Variants in ZPBP observed in about 807,000 individuals in gnomAD.
The protein encoded by ZPBP is zona pellucida binding protein.
ZPBP carries 26 observed loss-of-function variants against 44.8 expected under a neutral mutation model. That is an observed-to-expected ratio of 0.58 (90% CI 0.43 to 0.81). The LOEUF is 0.81. ZPBP is among the 30% of genes least tolerant of loss of function. The probability of loss-of-function intolerance (pLI) is 0.00; values close to 1 mark genes in which losing one functional copy is unlikely to be tolerated. For missense variants in ZPBP, 409 were observed against 434.0 expected, an observed-to-expected ratio of 0.94 and a Z score of 0.51; for synonymous variants, 174 against 153.2, an observed-to-expected ratio of 1.14 and a Z score of -1.00.
At chr7:49,872,763 A>AAC (rs1292127676) in intron 2 of ZPBP, among the ~76,000 whole-genome samples, 9 of 150,186 alleles carry the variant, frequency 6.0e-5, no homozygotes, top group Non-Finnish European at 1.3e-4. Flanking sequence ...AAAAAAAAAA[A>AAC]AAATTAGTCC....
chr7:49,944,043 G>A (rs146823286), intron 7 of ZPBP: 2 of 254,240 alleles, frequency 7.9e-6, no homozygotes, highest in Non-Finnish European at 1.6e-5. Flanking sequence ...TATCAGGAAC[G>A]TGCACCTTTG....
intron 3 of ZPBP, among the ~76,000 whole-genome samples, chr7:50,063,835 C>A (rs912682657): frequency 3.3e-5 from 5 of 152,114 alleles, no homozygotes; most frequent in Non-Finnish European, 5.9e-5. Context: ...GCTTGTATTG[C>A]CAATAAATCT....
At chr7:50,092,838 G>C (rs1803060478) in intron 1 of ZPBP, 2 of 530,188 alleles carry the variant, frequency 3.8e-6, no homozygotes, top group Non-Finnish European at 6.2e-6. Context: ...CTTCAACTGT[G>C]GGTGACGTAG....
In ZPBP at chr7:50,068,193, A is replaced by G. The variant is rs115148446; in HGVS notation, c.335-10052T>C. ...AAGACATTTGGCATCTAAATGTGGCAGAACCTTGCTGCCCTTAGGGACTCT... is the reference window on the plus strand; with the variant it reads ...AAGACATTTGGCATCTAAATGTGGCGGAACCTTGCTGCCCTTAGGGACTCT... On this transcript the variant is annotated intron_variant, in intron 3 of 7. Transcript: ENST00000046087. 1.7e-3 allele frequency among the ~76,000 whole-genome samples: 265 copies of G among 152,278 alleles called. 1 individual carries two copies. Among genetic ancestry groups the G allele is most frequent in the African/African-American group, 6.1e-3 (253 of 41,554 alleles).
intron 7 of ZPBP, among the ~76,000 whole-genome samples, chr7:49,972,071 G>C (rs1265540085): frequency 1.3e-5 from 2 of 151,814 alleles, no homozygotes; most frequent in Non-Finnish European, 2.9e-5. Flanking sequence ...ATTCAACAAA[G>C]TATGAATAGA....
intron 2 of ZPBP, among the ~76,000 whole-genome samples, chr7:49,871,716 C>G (rs1791153206): frequency 6.6e-6 from 1 of 151,304 alleles, no homozygotes; most frequent in South Asian, 2.1e-4. Context: ...GGATTTAGAT[C>G]AGGTAAGGAA....
At chr7:49,871,020 C>G (rs1047417496) in intron 2 of ZPBP, among the ~76,000 whole-genome samples, 2 of 152,186 alleles carry the variant, frequency 1.3e-5, no homozygotes, top group Middle Eastern at 6.8e-3. Context: ...AATGCAAAAC[C>G]ATGAAAAGTA....
At chr7:49,926,779 G>A (rs995925633) in intron 1 of ZPBP, among the ~76,000 whole-genome samples, 3 of 152,110 alleles carry the variant, frequency 2.0e-5, no homozygotes, top group African/African-American at 7.2e-5. Flanking sequence ...AGAGAGGAGG[G>A]GCTGGGAGAT....
chr7:49,868,300 G>A (rs1242609477), intron 2 of ZPBP, among the ~76,000 whole-genome samples: 7 of 152,090 alleles, frequency 4.6e-5, no homozygotes, highest in Admixed American at 2.0e-4. Flanking sequence ...TTTTAAAGCC[G>A]AGACTTGTTT....
intron 5 of ZPBP, among the ~76,000 whole-genome samples, chr7:50,026,204 G>A (rs1799316149): frequency 6.6e-6 from 1 of 151,764 alleles, no homozygotes; most frequent in Admixed American, 6.6e-5. Flanking sequence ...GCAAAGAAAT[G>A]CATTATATTT....
intron 3 of ZPBP, among the ~76,000 whole-genome samples, chr7:50,073,918 T>A (rs1801961037): frequency 6.6e-6 from 1 of 151,906 alleles, no homozygotes; most frequent in African/African-American, 2.4e-5. Context: ...GTACTTCAGT[T>A]AGAAAGAAAA....
At chr7:50,026,972 C>T (rs1799365840) in intron 5 of ZPBP, among the ~76,000 whole-genome samples, 1 of 152,000 alleles carries the variant, frequency 6.6e-6, no homozygotes, top group Admixed American at 6.6e-5. Flanking sequence ...TTTCAATAGA[C>T]AGAGCCAAAT....
intron 7 of ZPBP, among the ~76,000 whole-genome samples, chr7:49,945,367 T>C (rs1795062802): frequency 6.6e-6 from 1 of 152,164 alleles, no homozygotes; most frequent in African/African-American, 2.4e-5. Flanking sequence ...GTTCATTTGT[T>C]GTATAGTAGA....
intron 4 of ZPBP, among the ~76,000 whole-genome samples, chr7:50,035,778 T>G (rs1215623514): frequency 6.6e-6 from 1 of 151,818 alleles, no homozygotes; most frequent in Non-Finnish European, 1.5e-5. Flanking sequence ...CAAAGAAGTA[T>G]ATGTACATTA....
At chr7:50,085,426 G>A (rs1471012781) in intron 2 of ZPBP, among the ~76,000 whole-genome samples, 3 of 151,986 alleles carry the variant, frequency 2.0e-5, no homozygotes, top group African/African-American at 7.2e-5. Flanking sequence ...GTATTTTAAC[G>A]TGCCTGATTC....
At chr7:50,082,943 T>G (rs540104929) in intron 2 of ZPBP, among the ~76,000 whole-genome samples, 87 of 151,914 alleles carry the variant, frequency 5.7e-4, no homozygotes, top group African/African-American at 2.0e-3. Context: ...CTGGCCCTAC[T>G]CTCCATGATC....
At chr7:49,980,244 T>A (rs1562817736) in intron 7 of ZPBP, among the ~76,000 whole-genome samples, 1 of 121,806 alleles carries the variant, frequency 8.2e-6, no homozygotes, top group African/African-American at 3.1e-5. Context: ...ATATATAATA[T>A]AAATATATAA....
chr7:49,904,860 C>A (rs989692448), intron 1 of ZPBP, among the ~76,000 whole-genome samples: 19 of 151,902 alleles, frequency 1.3e-4, no homozygotes, highest in Admixed American at 7.2e-4. Flanking sequence ...CTCAGCCTCC[C>A]AAGTAGCTTG....
intron 7 of ZPBP, among the ~76,000 whole-genome samples, chr7:49,968,019 A>G (rs1468817050): frequency 1.3e-5 from 2 of 152,142 alleles, no homozygotes; most frequent in Admixed American, 1.3e-4. Context: ...ATACTTAAAT[A>G]TAAGTATGAA....
Sources: gnomAD v4.1 joint callset for allele counts (sites outside exome capture counted in the v4.1 genomes callset) on GRCh38, gnomAD v4.1.1 for gene constraint, MANE v1.5 for transcripts, NCBI Gene and HGNC (gene_info 2026-07-23, HGNC 2026-07-21) for gene names.